The following SPOCK1 variants were observed in gnomAD, a reference collection of about 807,000 sequenced individuals.
SPOCK1 encodes testican-1.
SPOCK1 carries 23 observed loss-of-function variants against 55.3 expected under a neutral mutation model. That is an observed-to-expected ratio of 0.42 (90% CI 0.30 to 0.59). The LOEUF is 0.59. SPOCK1 is among the 20% of genes least tolerant of loss of function. The probability of loss-of-function intolerance (pLI) is 0.22; values close to 1 mark genes in which losing one functional copy is unlikely to be tolerated. For synonymous variants in SPOCK1, 226 were observed against 221.0 expected (o/e 1.02, Z -0.20); for missense variants, 499 against 552.5 (o/e 0.90, Z 0.97).
chr5:137,298,614 G>C (rs532119019), intron 2 of SPOCK1, among the ~76,000 whole-genome samples: 1 of 152,140 alleles, frequency 6.6e-6, no homozygotes, highest in Non-Finnish European at 1.5e-5. Flanking sequence ...CTACAAGAGA[G>C]AATCTGTTTA....
chr5:137,012,395 T>TA (rs1278450719), intron 6 of SPOCK1, among the ~76,000 whole-genome samples: 35 of 152,130 alleles, frequency 2.3e-4, no homozygotes, highest in Admixed American at 1.8e-3. Flanking sequence ...TGGTCTCTGG[T>TA]ACATAATTCT....
At chr5:137,213,384 C>G (rs1561473593) in intron 3 of SPOCK1, among the ~76,000 whole-genome samples, 1 of 152,224 alleles carries the variant, frequency 6.6e-6, no homozygotes, top group Non-Finnish European at 1.5e-5. Flanking sequence ...GACAACAACA[C>G]TATCAAGAAC....
At chr5:137,272,379 T>C (rs564418106) in intron 2 of SPOCK1, among the ~76,000 whole-genome samples, 1 of 152,228 alleles carries the variant, frequency 6.6e-6, no homozygotes, top group Non-Finnish European at 1.5e-5. Flanking sequence ...GCTTCTGTTA[T>C]ATAATGTGAC....
chr5:137,128,864 C>A (rs976327013), intron 4 of SPOCK1, among the ~76,000 whole-genome samples: 1 of 152,212 alleles, frequency 6.6e-6, no homozygotes, highest in African/African-American at 2.4e-5. Context: ...GATTTTCTAT[C>A]TTCTAGATTA....
At chr5:137,249,184 T>A (rs1245963592) in intron 3 of SPOCK1, among the ~76,000 whole-genome samples, 2 of 152,160 alleles carry the variant, frequency 1.3e-5, no homozygotes, top group South Asian at 4.1e-4. Context: ...TGCTTGAGAG[T>A]TAATGTAAGT....
intron 5 of SPOCK1, among the ~76,000 whole-genome samples, chr5:137,107,226 A>G (rs1753387237): frequency 1.3e-5 from 2 of 152,234 alleles, no homozygotes; most frequent in African/African-American, 4.8e-5. Flanking sequence ...GTCTTTTGCC[A>G]TATCCCTAGT....
intron 3 of SPOCK1, among the ~76,000 whole-genome samples, chr5:137,200,160 C>T (rs1755399440): frequency 6.6e-6 from 1 of 152,132 alleles, no homozygotes; most frequent in African/African-American, 2.4e-5. Flanking sequence ...TTTTCATTGT[C>T]AAATATTTTC....
chr5:136,991,490 C>T, intron 7 of SPOCK1, among the ~76,000 whole-genome samples: 1 of 152,146 alleles, frequency 6.6e-6, no homozygotes, highest in East Asian at 1.9e-4. Flanking sequence ...GCTAGTCAAA[C>T]TCGGGATCTC....
chr5:137,369,439 G>A (rs1268941669), intron 2 of SPOCK1, among the ~76,000 whole-genome samples: 1 of 150,658 alleles, frequency 6.6e-6, no homozygotes, highest in Non-Finnish European at 1.5e-5. Context: ...ATCCTCCTGA[G>A]GAGAACATAT....
Position 137,189,910 on chromosome 5 carries a change from G to C in SPOCK1, c.233-49216C>G, listed in dbSNP as rs1755145694. On this transcript the variant is annotated intron_variant, in intron 3 of 10. Coordinates refer to ENST00000394945, the MANE Select transcript of SPOCK1 (RefSeq NM_004598.4). ...AAGAAGTTGACTCTAATGCTCATGG[G>C]CGACTTTGAGGGGTACAAGACTTCA... Among the ~76,000 whole-genome samples, 9 of 152,056 alleles carry C rather than the reference G, an allele frequency of 5.9e-5. 1 individual carries two copies. In the Middle Eastern group the frequency reaches 0.02, roughly 345 times the overall value.
intron 3 of SPOCK1, among the ~76,000 whole-genome samples, chr5:137,160,730 G>T (rs546482176): frequency 2.3e-5 from 3 of 131,284 alleles, no homozygotes; most frequent in African/African-American, 8.5e-5. Context: ...AGTAGATGTT[G>T]GTGTGGATGC....
At chr5:137,235,480 A>G (rs1756161358) in intron 3 of SPOCK1, among the ~76,000 whole-genome samples, 1 of 152,252 alleles carries the variant, frequency 6.6e-6, no homozygotes, top group Non-Finnish European at 1.5e-5. Flanking sequence ...ACCAATGATC[A>G]CAAGTGCTGA....
chr5:137,283,625 G>A (rs889109949), intron 2 of SPOCK1, among the ~76,000 whole-genome samples: 2 of 152,036 alleles, frequency 1.3e-5, no homozygotes, highest in African/African-American at 4.8e-5. Context: ...TGAGACAGGA[G>A]AATCACTTGA....
At chr5:137,334,872 TATG>T (rs969314061) in intron 2 of SPOCK1, among the ~76,000 whole-genome samples, 1 of 152,196 alleles carries the variant, frequency 6.6e-6, no homozygotes, top group Non-Finnish European at 1.5e-5. Context: ...TGACCGATGG[TATG>T]ATATTTGCAC....
At chr5:137,316,710 C>T (rs1311815905) in intron 2 of SPOCK1, among the ~76,000 whole-genome samples, 1 of 152,236 alleles carries the variant, frequency 6.6e-6, no homozygotes, top group Non-Finnish European at 1.5e-5. Context: ...GTTTTCATCT[C>T]TAGCTCCTCT....
intron 3 of SPOCK1, among the ~76,000 whole-genome samples, chr5:137,153,444 T>G (rs1434662): frequency 0.2 from 30,505 of 152,146 alleles, 3,202 homozygotes; most frequent in Middle Eastern, 0.3. Flanking sequence ...TGAAACTCAT[T>G]TTATATGTCA....
intron 3 of SPOCK1, among the ~76,000 whole-genome samples, chr5:137,216,442 G>C (rs902224222): frequency 3.9e-5 from 6 of 152,234 alleles, no homozygotes; most frequent in African/African-American, 1.4e-4. Flanking sequence ...CGGGTGCAGT[G>C]GCTCATGCCT....
intron 2 of SPOCK1, among the ~76,000 whole-genome samples, chr5:137,271,642 G>A (rs1230080506): frequency 6.6e-6 from 1 of 152,028 alleles, no homozygotes; most frequent in Admixed American, 6.6e-5. Context: ...AATGACTGAT[G>A]CAATTTAGCT....
rs201676207 is a variant in SPOCK1 at position 137,073,674 on chromosome 5, C to CTT, written c.475-5847_475-5846dup. 9.8e-3 allele frequency among the ~76,000 whole-genome samples: 1,435 copies of CTT among 146,818 alleles called. 18 individuals carry two copies. The highest frequency in any genetic ancestry group is 0.034 in the African/African-American group (1,361 of 40,050). On this transcript the variant is annotated intron_variant, in intron 5 of 10. Transcript: ENST00000394945. ...GTTAAAAATGTAAAAGAGGAAAATG[C>CTT]TTTTTTTTTTTACAAGAGAATAGCA...
Sources: gnomAD v4.1 joint callset for allele counts (sites outside exome capture counted in the v4.1 genomes callset) on GRCh38, gnomAD v4.1.1 for gene constraint, MANE v1.5 for transcripts, NCBI Gene and HGNC (gene_info 2026-07-23, HGNC 2026-07-21) for gene names.